The following MRI1 variants were observed in gnomAD, a reference collection of about 807,000 sequenced individuals.
MRI1 encodes methylthioribose-1-phosphate isomerase 1.
Under a neutral mutation model 27.3 loss-of-function variants are expected in MRI1, and 32 were observed. That is an observed-to-expected ratio of 1.17 (90% CI 0.88 to 1.57). The LOEUF (loss-of-function observed/expected upper bound fraction) is 1.57. Among genes scored for constraint, MRI1 ranks in the 40% most tolerant of loss-of-function variants. The pLI is 0.00. For missense variants in MRI1, 508 were observed against 516.1 expected (o/e 0.98, Z 0.15); for synonymous variants, 216 against 227.4 (o/e 0.95, Z 0.45).
In MRI1 at chr19:13,765,115, G is replaced by A; in HGVS notation, c.371+6G>A. On this transcript the variant is annotated splice_donor_region_variant and intron_variant, in intron 2 of 5. Transcript: ENST00000040663. ...GAAGAGGCGGTCCGGGAGAGGTACGGGGATCTGGTACCAGGCACGGCGCTG... is the reference window on the plus strand; with the variant it reads ...GAAGAGGCGGTCCGGGAGAGGTACGAGGATCTGGTACCAGGCACGGCGCTG... 2.6e-6 allele frequency: 4 copies of A among 1,520,232 alleles called. No homozygotes were observed. The highest frequency in any genetic ancestry group is 3.5e-6 in the Non-Finnish European group (4 of 1,136,626). The allele number at this position is 1,520,232 out of a possible 1,614,324, so 94.2% of individuals were successfully genotyped here. A position where few individuals can be genotyped will look rare whatever the true frequency, so the allele number is the denominator to read the frequency against.
chr19:13,774,162 C>T lies in MRI1; in HGVS notation c.*1881C>T, dbSNP rs1385141888. 1 of 278,712 alleles carries T rather than the reference C, an allele frequency of 3.6e-6. No homozygotes were observed. Among genetic ancestry groups the T allele is most frequent in the Non-Finnish European group, 6.7e-6 (1 of 150,354 alleles). 17.3% of individuals were successfully genotyped at this position (278,712 alleles called of 1,614,324 possible). The stretch of plus-strand genomic sequence containing the variant: ...CAAAGTTTTTGAACCTTCTTAAATT[C>T]TGTACCAGAGGTGAGTGCCACACCC... On this transcript the variant is annotated 3_prime_UTR_variant, in exon 6 of 6. Coordinates refer to ENST00000040663, the MANE Select transcript of MRI1 (RefSeq NM_001031727.4).
chr19:13,766,542 G>A (rs1974129003), intron 3 of MRI1, among the ~76,000 whole-genome samples: 1 of 152,168 alleles, frequency 6.6e-6, no homozygotes, highest in Non-Finnish European at 1.5e-5. Flanking sequence ...GTGGACTCCA[G>A]GAGGAACTGG....
intron 5 of MRI1, among the ~76,000 whole-genome samples, chr19:13,771,619 T>C (rs183320864): frequency 6.6e-6 from 1 of 152,272 alleles, no homozygotes; most frequent in Non-Finnish European, 1.5e-5. Context: ...CCCAGCACTT[T>C]GGGAGGCCGA....
At chr19:13,770,236 A>C (rs1235940020) in intron 5 of MRI1, among the ~76,000 whole-genome samples, 1 of 152,202 alleles carries the variant, frequency 6.6e-6, no homozygotes, top group East Asian at 1.9e-4. Context: ...GCATAAACCC[A>C]AGGGCGGTCA....
At chr19:13,767,019 ATATATATATATATATATATTTTTTTT>A (rs890281829) in intron 3 of MRI1, among the ~76,000 whole-genome samples, 1 of 10,316 alleles carries the variant, frequency 9.7e-5, no homozygotes, top group African/African-American at 5.0e-4. Context: ...ATATATATAT[ATATATATATATATATATATTTTTTTT>A]TTTTTTTTTT....
chr19:13,769,765 C>A (rs970281028), intron 5 of MRI1, among the ~76,000 whole-genome samples: 5 of 151,152 alleles, frequency 3.3e-5, no homozygotes, highest in African/African-American at 9.7e-5. Flanking sequence ...ACTAAAAATA[C>A]AAAAATTAGC....
chr19:13,764,593 C>A lies in MRI1; in HGVS notation c.5C>A (p.Thr2Asn). Residue 2 changes from threonine (T) to asparagine (N), a missense_variant, in exon 1 of 6, where the codon ACC becomes AAC. This residue lies in a region of MRI1 where 32 missense variants were observed against 20.2 expected (regional missense o/e 1.58). Transcript: ENST00000040663. M[T>N]LEAIRYSRGS... The stretch of plus-strand genomic sequence containing the variant: ...GCTGGGCTTGGCTGCTGCACCATGA[C>A]CCTGGAGGCGATCCGCTACTCGCGG... 6.2e-7 allele frequency: 1 copy of A among 1,608,796 alleles called. No homozygotes were observed. Among genetic ancestry groups the A allele is most frequent in the Non-Finnish European group, 8.5e-7 (1 of 1,178,882 alleles).
chr19:13,765,048 G>T lies in MRI1; in HGVS notation c.310G>T (p.Ala104Ser), dbSNP rs375919540. 1.8e-5 allele frequency: 28 copies of T among 1,523,668 alleles called. No individual in the cohort carries two copies. In the African/African-American group the frequency reaches 3.2e-4, roughly 17 times the overall value. 94.4% of individuals were successfully genotyped at this position (1,523,668 alleles called of 1,614,324 possible). A position where few individuals can be genotyped will look rare whatever the true frequency, so the allele number is the denominator to read the frequency against. Residue 104 changes from alanine (A) to serine (S), a missense_variant, in exon 2 of 6, where the codon GCT becomes TCT. Around this residue, in one of 3 missense-constraint regions of MRI1, gnomAD observed 457 missense variants for 452.8 expected, o/e 1.01. Coordinates refer to ENST00000040663, the MANE Select transcript of MRI1 (RefSeq NM_001031727.4). ...VNMARAARDL[A>S]DVAAREAERE... ...CATGGCCCGCGCCGCCCGCGACCTG[G>T]CTGATGTTGCAGCCCGGGAGGCCGA...
intron 2 of MRI1, 25 bp from the exon 3 acceptor site, chr19:13,765,929 T>C (rs748957654): frequency 6.4e-7 from 1 of 1,560,856 alleles, no homozygotes; most frequent in East Asian, 2.3e-5. Flanking sequence ...TGGTGGCTGG[T>C]GCTGAAAACT....
chr19:13,773,630 TTAA>T lies in MRI1; in HGVS notation c.*1350_*1352del, dbSNP rs1213682035. On this transcript the variant is annotated 3_prime_UTR_variant, in exon 6 of 6. Coordinates refer to ENST00000040663, the MANE Select transcript of MRI1 (RefSeq NM_001031727.4). ...AGCAACAGAGTGAGACCCCATCTCTTTAAAAAAAAAAAAAAATCCATGATGAAC... is the reference window on the plus strand; with the variant it reads ...AGCAACAGAGTGAGACCCCATCTCTTAAAAAAAAAAAAATCCATGATGAAC... 4.2e-4 allele frequency: 62 copies of T among 146,098 alleles called. No homozygotes were observed. The highest frequency in any genetic ancestry group is 1.2e-3 in the Middle Eastern group (2 of 1,662). The allele number at this position is 146,098 out of a possible 1,614,324, so 9.1% of individuals were successfully genotyped here. A position where few individuals can be genotyped will look rare whatever the true frequency, so the allele number is the denominator to read the frequency against.
intron 3 of MRI1, among the ~76,000 whole-genome samples, chr19:13,767,861 CTTTTTTTTTT>C (rs1170108927): frequency 1.6e-4 from 10 of 61,086 alleles, no homozygotes; most frequent in African/African-American, 7.8e-4. Flanking sequence ...TCTTTCTTTC[CTTTTTTTTTT>C]TTTTTTTTTT....
chr19:13,768,102 T>A (rs941110385), intron 3 of MRI1, among the ~76,000 whole-genome samples: 3 of 151,794 alleles, frequency 2.0e-5, no homozygotes, highest in Non-Finnish European at 2.9e-5. Flanking sequence ...TCTCCTGACC[T>A]CGTGATCCAT....
chr19:13,767,868 T>TTTTTTTG (rs1974174442), intron 3 of MRI1, among the ~76,000 whole-genome samples: 1 of 120,282 alleles, frequency 8.3e-6, no homozygotes, highest in Non-Finnish European at 1.7e-5. Context: ...TTCCTTTTTT[T>TTTTTTTG]TTTTTTTTTT....
Position 13,768,984 on chromosome 19 carries a change from C to G in MRI1, c.885C>G (p.Ile295Met). ...CDLRLETGKE[I>M]IIEERPGQEL... is the part of the protein sequence containing the mutation. Reference sequence around the variant, plus strand: ...TCCGTCTGGAGACCGGCAAGGAGATCATTATTGAAGAGCGACCGGGCCAGG... The same window carrying G: ...TCCGTCTGGAGACCGGCAAGGAGATGATTATTGAAGAGCGACCGGGCCAGG... The change falls in exon 5 of 6, where the codon ATC becomes ATG. Residue 295 changes from isoleucine (I) to methionine (M), a missense_variant. This residue lies in a region of MRI1 where 457 missense variants were observed against 452.8 expected (regional missense o/e 1.01). Coordinates refer to ENST00000040663, the MANE Select transcript of MRI1 (RefSeq NM_001031727.4). 1.2e-6 allele frequency: 2 copies of G among 1,614,036 alleles called. No homozygotes were observed. Among genetic ancestry groups the G allele is most frequent in the Non-Finnish European group, 1.7e-6 (2 of 1,179,976 alleles).
rs2145206915 is a variant in MRI1 at position 13,772,461 on chromosome 19, C to T, written c.*180C>T. 3.6e-6 allele frequency: 2 copies of T among 556,644 alleles called. No homozygotes were observed. The highest frequency in any genetic ancestry group is 6.3e-5 in the East Asian group (2 of 31,864). The allele number at this position is 556,644 out of a possible 1,614,324, so 34.5% of individuals were successfully genotyped here. A position where few individuals can be genotyped will look rare whatever the true frequency, so the allele number is the denominator to read the frequency against. On this transcript the variant is annotated 3_prime_UTR_variant, in exon 6 of 6. Transcript: ENST00000040663. The stretch of plus-strand genomic sequence containing the variant: ...GGCTGCCCAGATTCAAATCCTGACT[C>T]CGCCACTTTTCCCACTGTATGATCT...
intron 3 of MRI1, 44 bp downstream of exon 3, chr19:13,766,173 CT>C (rs568800271): frequency 2.7e-6 from 4 of 1,469,174 alleles, no homozygotes; most frequent in Admixed American, 2.5e-5. Flanking sequence ...CTTCTAGGAA[CT>C]TTTTTAGATA....
chr19:13,770,084 A>C (rs1974237869), intron 5 of MRI1, among the ~76,000 whole-genome samples: 3 of 152,106 alleles, frequency 2.0e-5, no homozygotes, highest in South Asian at 4.2e-4. Flanking sequence ...TACAGGTGTG[A>C]GCTCCCATGC....
In MRI1 at chr19:13,765,044, C is replaced by A; in HGVS notation, c.306C>A (p.Asp102Glu). The A allele has an allele frequency of 6.6e-7, 1 of 1,526,230 alleles. No homozygotes were observed. Among genetic ancestry groups the A allele is most frequent in the Non-Finnish European group, 8.8e-7 (1 of 1,141,846 alleles). The allele number at this position is 1,526,230 out of a possible 1,614,324, so 94.5% of individuals were successfully genotyped here. A position where few individuals can be genotyped will look rare whatever the true frequency, so the allele number is the denominator to read the frequency against. The stretch of plus-strand genomic sequence containing the variant: ...TCAACATGGCCCGCGCCGCCCGCGA[C>A]CTGGCTGATGTTGCAGCCCGGGAGG... The part of the protein sequence containing the change: ...TAVNMARAAR[D>E]LADVAAREAE... The change falls in exon 2 of 6, where the codon GAC becomes GAA. Residue 102 changes from aspartate to glutamate, a missense_variant. Asp to Glu is a conservative substitution (Grantham distance 45, BLOSUM62 2). This residue lies in a region of MRI1 where 457 missense variants were observed against 452.8 expected (regional missense o/e 1.01). Coordinates refer to ENST00000040663, the MANE Select transcript of MRI1 (RefSeq NM_001031727.4).
intron 2 of MRI1, 98 bp from the exon 3 acceptor site, chr19:13,765,856 G>A: frequency 7.4e-7 from 1 of 1,357,462 alleles, no homozygotes. Context: ...GAGGCTTTGA[G>A]CAGGAGGGCT....
Sources: gnomAD v4.1 joint callset for allele counts (sites outside exome capture counted in the v4.1 genomes callset) on GRCh38, gnomAD v4.1.1 for gene constraint, gnomAD v4.1.1 regional missense constraint, MANE v1.5 for transcripts, NCBI Gene and HGNC (gene_info 2026-07-23, HGNC 2026-07-21) for gene names.